The following RARB variants were observed in gnomAD, a reference collection of about 807,000 sequenced individuals.
RARB encodes retinoic acid receptor beta.
RARB carries 17 observed loss-of-function variants against 51.9 expected under a neutral mutation model. The observed-to-expected ratio is 0.33, with a 90% CI of 0.22 to 0.49. The LOEUF is 0.49. Among genes scored for constraint, RARB ranks in the 20% least tolerant of loss-of-function variants. RARB has a pLI of 0.99. For synonymous variants in RARB, 215 were observed against 195.4 expected (o/e 1.10, Z -0.84); for missense variants, 369 against 550.8 (o/e 0.67, Z 3.30).
intron 5 of RARB, among the ~76,000 whole-genome samples, chr3:25,236,081 T>G (rs775892196): frequency 5.9e-5 from 9 of 152,126 alleles, no homozygotes; most frequent in Non-Finnish European, 1.3e-4. Context: ...TGTAGATCTA[T>G]TTTTGTGTAT....
chr3:25,051,027 G>C (rs190734025), intron 2 of RARB, among the ~76,000 whole-genome samples: 1 of 152,192 alleles, frequency 6.6e-6, no homozygotes, highest in African/African-American at 2.4e-5. Flanking sequence ...CTCTTTAACT[G>C]TGTGGATTTA....
intron 5 of RARB, among the ~76,000 whole-genome samples, chr3:25,303,036 T>C (rs1194983545): frequency 6.6e-6 from 1 of 152,200 alleles, no homozygotes; most frequent in Non-Finnish European, 1.5e-5. Context: ...ATGCTCTCTT[T>C]AGAATGTTCT....
chr3:25,334,614 C>T (rs1240868309), intron 5 of RARB, among the ~76,000 whole-genome samples: 1 of 152,042 alleles, frequency 6.6e-6, no homozygotes, highest in African/African-American at 2.4e-5. Flanking sequence ...ACCAACGTGG[C>T]ACATGTATAC....
chr3:25,312,706 G>A (rs867143534), intron 5 of RARB, among the ~76,000 whole-genome samples: 104 of 152,168 alleles, frequency 6.8e-4, no homozygotes, highest in African/African-American at 2.3e-3. Context: ...TTTAAAAATT[G>A]GGACATTTCA....
chr3:24,909,391 G>T (rs1694941033), intron 2 of RARB, among the ~76,000 whole-genome samples: 1 of 152,108 alleles, frequency 6.6e-6, no homozygotes, highest in African/African-American at 2.4e-5. Flanking sequence ...TCATCTTGGT[G>T]CTCTCCAGCA....
At chr3:25,466,030 C>A (rs1434092838) in intron 2 of RARB, among the ~76,000 whole-genome samples, 2 of 152,102 alleles carry the variant, frequency 1.3e-5, no homozygotes, top group Non-Finnish European at 2.9e-5. Flanking sequence ...GCAACTCTCT[C>A]TTTTCTCATC....
At chr3:24,934,989 A>G (rs1250930617) in intron 2 of RARB, among the ~76,000 whole-genome samples, 1 of 152,168 alleles carries the variant, frequency 6.6e-6, no homozygotes, top group African/African-American at 2.4e-5. Context: ...TGAAGTGTTT[A>G]ACGAACCCTA....
At chr3:24,889,744 C>T (rs944427074) in intron 2 of RARB, among the ~76,000 whole-genome samples, 1 of 146,312 alleles carries the variant, frequency 6.8e-6, no homozygotes, top group African/African-American at 2.5e-5. Flanking sequence ...GGCACAAATT[C>T]TAATTTTTAA....
chr3:24,874,759 A>G (rs957395406), intron 2 of RARB, among the ~76,000 whole-genome samples: 1 of 151,264 alleles, frequency 6.6e-6, no homozygotes, highest in African/African-American at 2.4e-5. Context: ...AATGTAGTTC[A>G]TTTATGTTGA....
intron 2 of RARB, among the ~76,000 whole-genome samples, chr3:25,496,107 T>G (rs1217213119): frequency 6.6e-6 from 1 of 152,184 alleles, no homozygotes; most frequent in Non-Finnish European, 1.5e-5. Flanking sequence ...TAAGGTATAA[T>G]CCAAGACGGT....
At chr3:24,873,921 C>T (rs1211968536) in intron 2 of RARB, among the ~76,000 whole-genome samples, 2 of 151,994 alleles carry the variant, frequency 1.3e-5, no homozygotes, top group Non-Finnish European at 2.9e-5. Context: ...TCCATGGATT[C>T]AGCCAACCAC....
At chr3:25,366,273 G>A (rs1706117600) in intron 5 of RARB, among the ~76,000 whole-genome samples, 1 of 152,200 alleles carries the variant, frequency 6.6e-6, no homozygotes, top group Admixed American at 6.5e-5. Flanking sequence ...ACAAGTAGTA[G>A]AGAAAAGATT....
chr3:25,412,597 C>G (rs571605185), intron 5 of RARB, among the ~76,000 whole-genome samples: 1 of 152,314 alleles, frequency 6.6e-6, no homozygotes, highest in South Asian at 2.1e-4. Flanking sequence ...TCTGTCCACT[C>G]TATTTTTAAC....
At chr3:25,280,146 T>C (rs1300993872) in intron 5 of RARB, among the ~76,000 whole-genome samples, 1 of 152,184 alleles carries the variant, frequency 6.6e-6, no homozygotes, top group Non-Finnish European at 1.5e-5. Context: ...GTGCTTAGGT[T>C]TGACAAAGAG....
chr3:25,117,642 T>C (rs1307749635), intron 3 of RARB, among the ~76,000 whole-genome samples: 1 of 152,166 alleles, frequency 6.6e-6, no homozygotes, highest in African/African-American at 2.4e-5. Context: ...GAGCTGCTGG[T>C]GGCCTGAGCT....
At chr3:25,485,620 G>A (rs1338192972) in intron 2 of RARB, among the ~76,000 whole-genome samples, 1 of 152,130 alleles carries the variant, frequency 6.6e-6, no homozygotes, top group African/African-American at 2.4e-5. Context: ...TCATTACACG[G>A]CCCATCTGGA....
chr3:25,317,674 A>G (rs1227597046), intron 5 of RARB, among the ~76,000 whole-genome samples: 1 of 152,216 alleles, frequency 6.6e-6, no homozygotes, highest in Admixed American at 6.5e-5. Context: ...TTTTAGATAC[A>G]TATAGGAAAT....
At chr3:25,210,086 G>C (rs778774584) in intron 5 of RARB, among the ~76,000 whole-genome samples, 5 of 152,104 alleles carry the variant, frequency 3.3e-5, no homozygotes, top group Non-Finnish European at 5.9e-5. Context: ...CTGGAGATGA[G>C]GTTTCAGAAT....
intron 5 of RARB, among the ~76,000 whole-genome samples, chr3:25,290,941 C>T (rs1703771210): frequency 1.3e-5 from 2 of 152,148 alleles, no homozygotes; most frequent in South Asian, 2.1e-4. Flanking sequence ...CGAGCCCTCT[C>T]CTCACCTCTC....
Sources: allele counts gnomAD v4.1 joint callset (sites outside exome capture counted in the v4.1 genomes callset), GRCh38; gene constraint gnomAD v4.1.1; transcripts MANE v1.5; gene names NCBI Gene and HGNC (gene_info 2026-07-23, HGNC 2026-07-21).